The following SHROOM2 variants were observed in gnomAD, a reference collection of about 807,000 sequenced individuals.
The protein encoded by SHROOM2 is shroom family member 2.
A neutral mutation model predicts 75.9 loss-of-function variants in SHROOM2; 33 were observed. That is an observed-to-expected ratio of 0.43 (90% confidence interval 0.33 to 0.58). SHROOM2 has a LOEUF of 0.58. Among genes scored for constraint, SHROOM2 ranks in the 20% least tolerant of loss-of-function variants. SHROOM2 has a pLI of 0.04. For missense variants in SHROOM2, 1,434 were observed against 1,461.2 expected (o/e 0.98, Z 0.30); for synonymous variants, 655 against 663.6 (o/e 0.99, Z 0.20).
intron 1 of SHROOM2, among the ~76,000 whole-genome samples, chrX:9,811,797 T>TC (rs1464080923): frequency 8.9e-6 from 1 of 111,749 alleles, no homozygotes; most frequent in African/African-American, 3.3e-5. Flanking sequence ...AGTCTTCTCT[T>TC]CCTCTGTCAG....
At chrX:9,905,186 T>C (rs1176903303) in intron 5 of SHROOM2, among the ~76,000 whole-genome samples, 2 of 111,985 alleles carry the variant, frequency 1.8e-5, no homozygotes, top group Non-Finnish European at 3.8e-5. Flanking sequence ...AAGTTTGACT[T>C]AAGAGTCCCA....
At chrX:9,838,755 G>A (rs1430488294) in intron 1 of SHROOM2, among the ~76,000 whole-genome samples, 1 of 111,565 alleles carries the variant, frequency 9.0e-6, no homozygotes, top group Non-Finnish European at 1.9e-5. Flanking sequence ...GCATGGGAGC[G>A]CCACCAAGGG....
chrX:9,827,318 G>A (rs1469118342), intron 1 of SHROOM2, among the ~76,000 whole-genome samples: 1 of 95,965 alleles, frequency 1.0e-5, no homozygotes, highest in African/African-American at 4.1e-5. Flanking sequence ...AACCACCCAG[G>A]TTCAACTGAT....
chrX:9,922,978 T>C (rs1351177960), intron 5 of SHROOM2, among the ~76,000 whole-genome samples: 2 of 111,650 alleles, frequency 1.8e-5, no homozygotes, highest in Non-Finnish European at 3.8e-5. Context: ...TGCAAACTCC[T>C]GGTCTAGAAG....
intron 1 of SHROOM2, among the ~76,000 whole-genome samples, chrX:9,864,629 TAA>T (rs201106048): frequency 2.0e-5 from 2 of 99,345 alleles, no homozygotes; most frequent in Admixed American, 2.2e-4. Context: ...CCATCCCGGC[TAA>T]AAAAAAAAAC....
intron 1 of SHROOM2, among the ~76,000 whole-genome samples, chrX:9,828,623 C>G (rs1380990152): frequency 2.7e-5 from 3 of 110,526 alleles, no homozygotes; most frequent in African/African-American, 9.9e-5. Flanking sequence ...TGCTACCATT[C>G]CCAGTTAATG....
At chrX:9,872,011 G>A (rs764579527) in intron 1 of SHROOM2, among the ~76,000 whole-genome samples, 1 of 112,455 alleles carries the variant, frequency 8.9e-6, no homozygotes, top group African/African-American at 3.2e-5. Context: ...GTGTAAAACA[G>A]TTGGCAAACC....
At chrX:9,846,381 G>A (rs1280894569) in intron 1 of SHROOM2, among the ~76,000 whole-genome samples, 1 of 111,890 alleles carries the variant, frequency 8.9e-6, no homozygotes, top group Non-Finnish European at 1.9e-5. Flanking sequence ...TGCAACCTCC[G>A]CCTCCCGGGT....
intron 1 of SHROOM2, among the ~76,000 whole-genome samples, chrX:9,850,423 C>T (rs2084032143): frequency 8.9e-6 from 1 of 111,959 alleles, no homozygotes; most frequent in East Asian, 2.8e-4. Context: ...AGTGAGTTAG[C>T]GGCCTGCTCC....
chrX:9,907,197 C>T lies in SHROOM2; in HGVS notation c.2891+8907C>T, dbSNP rs770951680. Among the ~76,000 whole-genome samples the T allele has an allele frequency of 4.5e-5, 5 of 111,568 alleles. No individual in the cohort carries two copies. The South Asian group carries it at 1.1e-3, about 25-fold the overall frequency. ...GTATGTGGATGTCCTCTGCAGAACT[C>T]GCCTGGTCCCTTCCTTCAAGTCATT... On this transcript the variant is annotated intron_variant, in intron 5 of 9. Transcript: ENST00000380913.
intron 2 of SHROOM2, among the ~76,000 whole-genome samples, chrX:9,883,377 A>T (rs2084242566): frequency 8.9e-6 from 1 of 112,038 alleles, no homozygotes; most frequent in South Asian, 3.7e-4. Context: ...AGAACAGTAG[A>T]GGGGGAGGCT....
chrX:9,866,616 G>T (rs2084140402), intron 1 of SHROOM2, among the ~76,000 whole-genome samples: 1 of 110,983 alleles, frequency 9.0e-6, no homozygotes, highest in South Asian at 3.8e-4. Flanking sequence ...TAGGGGTAGT[G>T]CCCATCAGGG....
Position 9,902,285 on chromosome X carries a change from GGATA to G in SHROOM2, c.2891+3999_2891+4002del, listed in dbSNP as rs747225884. Among the ~76,000 whole-genome samples the G allele has an allele frequency of 1.1e-4, 12 of 109,310 alleles. No individual in the cohort carries two copies. In the East Asian group the frequency reaches 2.6e-3, roughly 24 times the overall value. 94.9% of individuals were successfully genotyped at this position (109,310 alleles called of 115,157 possible). On this transcript the variant is annotated intron_variant, in intron 5 of 9. Coordinates refer to ENST00000380913, the MANE Select transcript of SHROOM2 (RefSeq NM_001649.4). Reference sequence around the variant, plus strand: ...TGGATGAAAGGGAGGGTGAGTGGGTGGATAGATGGATGGATAGAGGGGAGGGCAA... The same window carrying G: ...TGGATGAAAGGGAGGGTGAGTGGGTGGATGGATGGATAGAGGGGAGGGCAA...
intron 9 of SHROOM2, among the ~76,000 whole-genome samples, chrX:9,945,339 GAGCTCA>G (rs1421261365): frequency 1.8e-5 from 2 of 110,509 alleles, no homozygotes; most frequent in African/African-American, 6.6e-5. Context: ...TGGAACTCCT[GAGCTCA>G]AGTGATCCGC....
At chrX:9,938,769 G>A (rs771442067) in intron 7 of SHROOM2, among the ~76,000 whole-genome samples, 125 of 110,922 alleles carry the variant, frequency 1.1e-3, no homozygotes, top group Non-Finnish European at 1.9e-3. Flanking sequence ...CAGCCAAGGA[G>A]GAGCAGCTGG....
At chrX:9,907,097 G>A (rs2084396092) in intron 5 of SHROOM2, among the ~76,000 whole-genome samples, 1 of 111,222 alleles carries the variant, frequency 9.0e-6, no homozygotes, top group African/African-American at 3.3e-5. Flanking sequence ...GCAGCCACAG[G>A]GGCCTTTCGC....
At chrX:9,832,602 T>C (rs1434183727) in intron 1 of SHROOM2, among the ~76,000 whole-genome samples, 3 of 111,158 alleles carry the variant, frequency 2.7e-5, no homozygotes, top group Non-Finnish European at 3.8e-5. Flanking sequence ...GAGCTGGGAG[T>C]GCCCCAGCAC....
chrX:9,826,840 A>G (rs1277010936), intron 1 of SHROOM2, among the ~76,000 whole-genome samples: 1 of 112,805 alleles, frequency 8.9e-6, no homozygotes, highest in Non-Finnish European at 1.9e-5. Context: ...TCATCTTTCA[A>G]AGAACGAACA....
chrX:9,830,541 G>A (rs1481328940), intron 1 of SHROOM2, among the ~76,000 whole-genome samples: 1 of 94,991 alleles, frequency 1.1e-5, no homozygotes, highest in Non-Finnish European at 2.1e-5. Flanking sequence ...TAAGAAAATT[G>A]ATCAGTTTAG....
Sources: allele counts gnomAD v4.1 joint callset (sites outside exome capture counted in the v4.1 genomes callset), GRCh38; gene constraint gnomAD v4.1.1; transcripts MANE v1.5; gene names NCBI Gene and HGNC (gene_info 2026-07-23, HGNC 2026-07-21).